IL16: variants seen among roughly 807,000 people sequenced by gnomAD.
IL16 encodes interleukin 16, also known as pro-interleukin-16.
Under a neutral mutation model 110.1 loss-of-function variants are expected in IL16, and 67 were observed. The ratio of observed to expected loss-of-function variants is 0.61; its 90% CI spans 0.50 to 0.75. The LOEUF (loss-of-function observed/expected upper bound fraction) is 0.75. Among genes scored for constraint, IL16 ranks in the 30% least tolerant of loss-of-function variants. IL16 has a pLI of 0.00. For synonymous variants in IL16, 689 were observed against 662.9 expected (o/e 1.04, Z -0.61); for missense variants, 1,545 against 1,655.0 (o/e 0.93, Z 1.15).
rs200410038 is a variant in IL16, at chr15:81,261,912, T to A, written c.421+2032T>A. 1.6e-4 allele frequency among the ~76,000 whole-genome samples: 25 copies of A among 151,562 alleles called. No homozygotes were observed. The East Asian group carries it at 3.3e-3, about 20-fold the overall frequency. On this transcript the variant is annotated intron_variant, in intron 3 of 18. Coordinates refer to ENST00000683961, the MANE Select transcript of IL16 (RefSeq NM_172217.5). ...AGTGAAACCATGTCTCTACAAAAAA[T>A]TTTTTTAAAAAAAGAAAACCCACTA...
chr15:81,195,706 G>T (rs1264021536), upstream of IL16, among the ~76,000 whole-genome samples: 2 of 152,160 alleles, frequency 1.3e-5, no homozygotes, highest in Non-Finnish European at 2.9e-5. Flanking sequence ...GAAACATTTG[G>T]TGCTGAGCGT....
chr15:81,213,344 A>G (rs1279129276), intron 1 of IL16, among the ~76,000 whole-genome samples: 3 of 152,186 alleles, frequency 2.0e-5, no homozygotes, highest in African/African-American at 7.2e-5. Flanking sequence ...TCATGTGCAG[A>G]TGAGAAGAAT....
At position 81,200,197 on chromosome 15, in the gene IL16, C is replaced by T. The variant is rs8034834; in HGVS notation, c.-102+3045C>T. ...ATATTTTATATTATTTTTATTATAC[C>T]GTAGTAAAGGTATTGTTTCATGAAA... On this transcript the variant is annotated intron_variant, in intron 1 of 18. Coordinates refer to ENST00000683961, the MANE Select transcript of IL16 (RefSeq NM_172217.5). Among the ~76,000 whole-genome samples, 630 of 151,078 alleles carry T rather than the reference C, an allele frequency of 4.2e-3. 4 individuals are homozygous for T. The highest frequency in any genetic ancestry group is 0.013 in the African/African-American group (544 of 41,182).
intron 2 of IL16, among the ~76,000 whole-genome samples, chr15:81,259,067 GGAT>G (rs1898059141): frequency 6.6e-6 from 1 of 152,122 alleles, no homozygotes; most frequent in East Asian, 1.9e-4. Context: ...GGTAGAAAAA[GGAT>G]AAGAGAACCA....
intron 2 of IL16, among the ~76,000 whole-genome samples, chr15:81,229,196 T>C (rs116119087): frequency 3.9e-4 from 59 of 152,244 alleles, no homozygotes; most frequent in Non-Finnish European, 7.1e-4. Context: ...AGGGACAAAC[T>C]GGATCATTCT....
At chr15:81,213,710 T>C (rs1896327790) in intron 1 of IL16, among the ~76,000 whole-genome samples, 1 of 152,198 alleles carries the variant, frequency 6.6e-6, no homozygotes, top group Non-Finnish European at 1.5e-5. Flanking sequence ...TCCTGTTCTT[T>C]TTTGTTTTCC....
At position 81,278,848 on chromosome 15, in the gene IL16, A is replaced by G. The variant is rs1899034198; in HGVS notation, c.822A>G (p.Ser274=). ...AAATTCTGGAGCTCAATGGTGAATC[A>G]ATGGCTGGACTAACACATCAGGATG... ...GDEILELNGE[S]MAGLTHQDAL... Residue 274 remains serine, a synonymous_variant, in exon 7 of 19, where the codon TCA becomes TCG. Transcript: ENST00000683961. 1 of 1,613,242 alleles carries G rather than the reference A, an allele frequency of 6.2e-7. No individual in the cohort carries two copies.
chr15:81,277,625 G>A (rs958716091), intron 6 of IL16, among the ~76,000 whole-genome samples: 15 of 152,036 alleles, frequency 9.9e-5, no homozygotes, highest in African/African-American at 3.6e-4. Context: ...TGTACGTTTT[G>A]TAGAAACAGG....
At chr15:81,306,291 C>T in intron 17 of IL16, 125 bp downstream of exon 17, 1 of 1,521,236 alleles carries the variant, frequency 6.6e-7, no homozygotes, top group Non-Finnish European at 8.9e-7. Context: ...AGTACACTGC[C>T]TGAGACGTGT....
intron 1 of IL16, among the ~76,000 whole-genome samples, chr15:81,199,663 T>C (rs1032089550): frequency 6.6e-6 from 1 of 152,180 alleles, no homozygotes; most frequent in East Asian, 1.9e-4. Context: ...GGCGGTCACC[T>C]ACAAACATCC....
chr15:81,261,228 A>G (rs1182327078), intron 3 of IL16, among the ~76,000 whole-genome samples: 1 of 152,256 alleles, frequency 6.6e-6, no homozygotes, highest in African/African-American at 2.4e-5. Flanking sequence ...AATTTCAAAA[A>G]GGTAGAAGAA....
At chr15:81,202,271 C>G (rs1048219180) in intron 1 of IL16, among the ~76,000 whole-genome samples, 8 of 152,142 alleles carry the variant, frequency 5.3e-5, no homozygotes, top group African/African-American at 1.9e-4. Flanking sequence ...GTGACACAAG[C>G]CACTGGAGTA....
rs1432093820 is a variant in IL16 at position 81,301,449 on chromosome 15, G to A, written c.3255G>A (p.Leu1085=). ...CTGGTCAGTCCGTTATCTCCCTGCT[G>A]AGCTCAGAAGAATTAAAAAAACTCA... ...LQSGQSVISL[L]SSEELKKLIE... Residue 1085 remains leucine (L), a synonymous_variant, in exon 15 of 19, where the codon CTG becomes CTA. Coordinates refer to ENST00000683961, the MANE Select transcript of IL16 (RefSeq NM_172217.5). The A allele has an allele frequency of 6.2e-7, 1 of 1,614,150 alleles. No individual in the cohort carries two copies. Among genetic ancestry groups the A allele is most frequent in the African/African-American group, 1.3e-5 (1 of 75,046 alleles).
chr15:81,306,343 G>C, intron 17 of IL16, 77 bp from the exon 18 acceptor site: 5 of 1,586,492 alleles, frequency 3.2e-6, no homozygotes, highest in Non-Finnish European at 4.3e-6. Flanking sequence ...GTATCACCCC[G>C]GGCTCACTTG....
At chr15:81,213,431 A>G (rs1469108157) in intron 1 of IL16, among the ~76,000 whole-genome samples, 1 of 152,182 alleles carries the variant, frequency 6.6e-6, no homozygotes, top group Non-Finnish European at 1.5e-5. Context: ...GTTTAAGTCC[A>G]GAGTGTCTTC....
chr15:81,310,211 A>G lies in IL16; in HGVS notation c.*1413A>G, dbSNP rs1433357585. 2 of 152,214 alleles carry G rather than the reference A, an allele frequency of 1.3e-5. No individual in the cohort carries two copies. The highest frequency in any genetic ancestry group is 4.8e-5 in the African/African-American group (2 of 41,448). 9.4% of individuals were successfully genotyped at this position (152,214 alleles called of 1,614,324 possible). On this transcript the variant is annotated 3_prime_UTR_variant, in exon 19 of 19. Transcript: ENST00000683961. ...CAAGGACACAGATGAAACACAAACA[A>G]TAGTAATTCTCAGGCCATCATCAGT...
At chr15:81,231,324 G>GCCTC (rs1484027748) in intron 2 of IL16, among the ~76,000 whole-genome samples, 2 of 47,146 alleles carry the variant, frequency 4.2e-5, no homozygotes, top group African/African-American at 1.6e-4. Context: ...AGGTCGGTCT[G>GCCTC]TCTCTCTCTC....
At chr15:81,269,696 T>G in intron 5 of IL16, 48 bp downstream of exon 5, 1 of 1,322,200 alleles carries the variant, frequency 7.6e-7, no homozygotes, top group Non-Finnish European at 1.1e-6. Context: ...GCAGCACCAG[T>G]CTCCAAGGAG....
At chr15:81,266,643 T>G (rs995416366) in intron 4 of IL16, among the ~76,000 whole-genome samples, 2 of 152,166 alleles carry the variant, frequency 1.3e-5, no homozygotes, top group Admixed American at 1.3e-4. Context: ...TTCTCTGATC[T>G]CTATCTCTAG....
Sources: gnomAD v4.1 joint callset for allele counts (sites outside exome capture counted in the v4.1 genomes callset) on GRCh38, gnomAD v4.1.1 for gene constraint, MANE v1.5 for transcripts, NCBI Gene and HGNC (gene_info 2026-07-23, HGNC 2026-07-21) for gene names.